The following FOCAD variants were observed in gnomAD, a reference collection of about 807,000 sequenced individuals.
FOCAD encodes the protein KIAA1797.
FOCAD carries 198 observed loss-of-function variants against 225.6 expected under a neutral mutation model. That is an observed-to-expected ratio of 0.88 (90% CI 0.78 to 0.99). The LOEUF (loss-of-function observed/expected upper bound fraction) is 0.99, where lower values mean the gene tolerates loss of function less well. Among genes scored for constraint, FOCAD ranks in the 50% least tolerant of loss-of-function variants. FOCAD has a pLI of 0.00. For synonymous variants in FOCAD, 897 were observed against 755.0 expected (o/e 1.19, Z -3.08); for missense variants, 2,713 against 2,123.6 (o/e 1.28, Z -5.46).
chr9:20,923,408 A>G (rs1224579425), intron 24 of FOCAD, among the ~76,000 whole-genome samples: 2 of 152,212 alleles, frequency 1.3e-5, no homozygotes, highest in African/African-American at 2.4e-5. Flanking sequence ...CAACTTACTA[A>G]GCTTGGATTT....
At chr9:20,673,993 G>T (rs1475885584) in intron 2 of FOCAD, among the ~76,000 whole-genome samples, 1 of 152,084 alleles carries the variant, frequency 6.6e-6, no homozygotes, top group Non-Finnish European at 1.5e-5. Context: ...AGGTAAAAAG[G>T]CTAAATCAAG....
At chr9:20,845,530 A>G (rs1350017531) in intron 15 of FOCAD, among the ~76,000 whole-genome samples, 1 of 149,462 alleles carries the variant, frequency 6.7e-6, no homozygotes, top group Non-Finnish European at 1.5e-5. Flanking sequence ...ATTGATGGAT[A>G]TTTTATTAGA....
intron 26 of FOCAD, among the ~76,000 whole-genome samples, chr9:20,927,319 G>A (rs1173845236): frequency 6.6e-6 from 1 of 152,052 alleles, no homozygotes; most frequent in Non-Finnish European, 1.5e-5. Context: ...ATCATCTATA[G>A]TAGTTGTAGC....
intron 8 of FOCAD, among the ~76,000 whole-genome samples, chr9:20,774,953 T>C (rs1267978259): frequency 2.0e-5 from 3 of 152,190 alleles, no homozygotes; most frequent in African/African-American, 4.8e-5. Context: ...GGAAAATTAA[T>C]TTGTGAACAT....
chr9:20,800,651 G>A (rs1253028882), intron 11 of FOCAD, among the ~76,000 whole-genome samples: 3 of 152,046 alleles, frequency 2.0e-5, no homozygotes, highest in African/African-American at 7.2e-5. Context: ...GGCTACTGAG[G>A]CTTGTGCATT....
intron 8 of FOCAD, among the ~76,000 whole-genome samples, chr9:20,771,745 A>C (rs556153068): frequency 6.6e-6 from 1 of 152,318 alleles, no homozygotes; most frequent in African/African-American, 2.4e-5. Flanking sequence ...ACACAGCAGG[A>C]CTTTGTCTCA....
chr9:20,727,043 G>T (rs1826253758), intron 4 of FOCAD, among the ~76,000 whole-genome samples: 1 of 151,392 alleles, frequency 6.6e-6, no homozygotes, highest in South Asian at 2.1e-4. Flanking sequence ...TATTTATATT[G>T]ATATTATGGC....
chr9:20,932,681 C>G (rs1185411440), intron 27 of FOCAD, among the ~76,000 whole-genome samples: 1 of 152,084 alleles, frequency 6.6e-6, no homozygotes, highest in East Asian at 1.9e-4. Flanking sequence ...CTTAAGCATC[C>G]TTAGAAATAT....
At chr9:20,891,345 G>C (rs1483374081) in intron 21 of FOCAD, among the ~76,000 whole-genome samples, 3 of 152,172 alleles carry the variant, frequency 2.0e-5, no homozygotes, top group African/African-American at 7.2e-5. Flanking sequence ...CCAAAAGCTA[G>C]AAATGATTAA....
intron 22 of FOCAD, among the ~76,000 whole-genome samples, chr9:20,909,914 T>G (rs1439803557): frequency 6.6e-6 from 1 of 152,096 alleles, no homozygotes; most frequent in South Asian, 2.1e-4. Context: ...GCTAGATGTA[T>G]TTTTTAGCAT....
chr9:20,982,803 G>T (rs1024274778), intron 39 of FOCAD, among the ~76,000 whole-genome samples: 1 of 152,118 alleles, frequency 6.6e-6, no homozygotes, highest in African/African-American at 2.4e-5. Context: ...CAAGTCAAAC[G>T]ATGAATGAGC....
At chr9:20,966,067 G>A (rs1432137507) in intron 35 of FOCAD, among the ~76,000 whole-genome samples, 3 of 152,020 alleles carry the variant, frequency 2.0e-5, no homozygotes, top group Non-Finnish European at 4.4e-5. Flanking sequence ...TGGAATTGCT[G>A]GGTTGTATGG....
At chr9:20,978,880 G>A (rs1418496814) in intron 37 of FOCAD, among the ~76,000 whole-genome samples, 1 of 152,168 alleles carries the variant, frequency 6.6e-6, no homozygotes, top group Non-Finnish European at 1.5e-5. Flanking sequence ...AGCAATTAAG[G>A]TGGGCCATGA....
chr9:20,743,126 T>C (rs1351773335), intron 5 of FOCAD, among the ~76,000 whole-genome samples: 2 of 152,200 alleles, frequency 1.3e-5, no homozygotes, highest in African/African-American at 4.8e-5. Context: ...CATGCTGTTT[T>C]AGAGCCTTCT....
At chr9:20,803,899 G>T (rs1272247491) in intron 11 of FOCAD, among the ~76,000 whole-genome samples, 1 of 152,118 alleles carries the variant, frequency 6.6e-6, no homozygotes, top group African/African-American at 2.4e-5. Context: ...AGGTTGTAAG[G>T]TTAAGGGGAC....
chr9:20,705,387 C>T (rs1824300359), intron 1 of FOCAD, among the ~76,000 whole-genome samples: 1 of 152,058 alleles, frequency 6.6e-6, no homozygotes, highest in African/African-American at 2.4e-5. Context: ...ATATTAATAT[C>T]TGCTAAGAAT....
chr9:20,671,034 T>G (rs932600902), intron 2 of FOCAD, among the ~76,000 whole-genome samples: 2 of 152,202 alleles, frequency 1.3e-5, no homozygotes, highest in African/African-American at 4.8e-5. Flanking sequence ...CATTCTCTCC[T>G]TAGAAAGACA....
At chr9:20,671,517 G>A (rs1822063081) in intron 2 of FOCAD, among the ~76,000 whole-genome samples, 1 of 152,148 alleles carries the variant, frequency 6.6e-6, no homozygotes, top group South Asian at 2.1e-4. Flanking sequence ...CAGAATATCT[G>A]TGTGTATATG....
chr9:20,663,655 A>G (rs2131262133), intron 2 of FOCAD, among the ~76,000 whole-genome samples: 1 of 152,342 alleles, frequency 6.6e-6, no homozygotes, highest in South Asian at 2.1e-4. Context: ...TTGCCACTTC[A>G]ATAATGGTAC....
Sources: allele counts gnomAD v4.1 joint callset (sites outside exome capture counted in the v4.1 genomes callset), GRCh38; gene constraint gnomAD v4.1.1; transcripts MANE v1.5; gene names NCBI Gene and HGNC (gene_info 2026-07-23, HGNC 2026-07-21).